CALCR: variants seen among roughly 807,000 people sequenced by gnomAD.
CALCR encodes calcitonin receptor.
In CALCR, 47 loss-of-function variants were observed where a neutral mutation model predicts 59.5. That is an observed-to-expected ratio of 0.79 (90% CI 0.63 to 1.01). The LOEUF is 1.01. CALCR is among the 50% of genes least tolerant of loss of function. CALCR has a pLI of 0.00. For missense variants in CALCR, 566 were observed against 597.1 expected, an observed-to-expected ratio of 0.95 and a Z score of 0.54; for synonymous variants, 213 against 211.3, an observed-to-expected ratio of 1.01 and a Z score of -0.07.
At chr7:93,462,104 C>G in intron 7 of CALCR, 5 of 1,484,956 alleles carry the variant, frequency 3.4e-6, no homozygotes, top group Non-Finnish European at 4.5e-6. Context: ...AAATAGTTGT[C>G]AATTTTCTGC....
At chr7:93,459,947 T>G (rs7795824) in intron 8 of CALCR, among the ~76,000 whole-genome samples, 7,749 of 152,244 alleles carry the variant, frequency 0.051, 670 homozygotes, top group African/African-American at 0.17. Context: ...CAGAGATGTA[T>G]GTCCTGTTGC....
rs1251819906 is a variant in CALCR, at chr7:93,504,101, TGAA to T, written c.-26-17097_-26-17095del. On this transcript the variant is annotated intron_variant, in intron 2 of 13. Coordinates refer to ENST00000426151, the MANE Select transcript of CALCR (RefSeq NM_001742.4). ...AAGGGAAATTAATCTCAGTGGCCAA[TGAA>T]GAATAGTCATAATAGACCCATAAGT... Among the ~76,000 whole-genome samples, 6 of 152,292 alleles carry T rather than the reference TGAA, an allele frequency of 3.9e-5. No individual in the cohort carries two copies. The East Asian group carries it at 9.6e-4, about 24-fold the overall frequency.
intron 2 of CALCR, among the ~76,000 whole-genome samples, chr7:93,529,526 A>G (rs1200336617): frequency 6.6e-6 from 1 of 152,200 alleles, no homozygotes; most frequent in East Asian, 1.9e-4. Context: ...TTGCAAAGCA[A>G]ATCAACAATT....
At chr7:93,572,522 A>G (rs1462656384) in intron 2 of CALCR, among the ~76,000 whole-genome samples, 1 of 152,182 alleles carries the variant, frequency 6.6e-6, no homozygotes. Context: ...ATTATCATTG[A>G]AACCATTACC....
chr7:93,479,416 A>G lies in CALCR; in HGVS notation c.143T>C (p.Met48Thr), dbSNP rs1464769591. The G allele has an allele frequency of 6.2e-7, 1 of 1,612,508 alleles. No individual in the cohort carries two copies. The highest frequency in any genetic ancestry group is 8.5e-7 in the Non-Finnish European group (1 of 1,179,082). ...PFLYVVGRKKMMDAQYKCYDR... is the reference protein window; with the variant it reads ...PFLYVVGRKKTMDAQYKCYDR... The stretch of plus-strand genomic sequence containing the variant: ...ATAGCATTTGTACTGTGCATCCATC[A>G]TCTTCTTTCGTCCTACGACGTAAAG... Residue 48 changes from methionine (M) to threonine (T), a missense_variant, in exon 4 of 14, where the codon ATG (methionine) becomes ACG (threonine). By Grantham distance (81) the Met-to-Thr change is moderately conservative (BLOSUM62 -1). Coordinates refer to ENST00000426151, the MANE Select transcript of CALCR (RefSeq NM_001742.4).
At chr7:93,458,397 C>T (rs1451435174) in intron 8 of CALCR, among the ~76,000 whole-genome samples, 2 of 152,068 alleles carry the variant, frequency 1.3e-5, no homozygotes, top group Non-Finnish European at 2.9e-5. Context: ...CACAGTTAAG[C>T]AGAGAAACAA....
At chr7:93,497,204 T>C (rs938904324) in intron 2 of CALCR, among the ~76,000 whole-genome samples, 43 of 151,486 alleles carry the variant, frequency 2.8e-4, no homozygotes. Context: ...AAAAATGATG[T>C]CATATTGAAA....
intron 13 of CALCR, among the ~76,000 whole-genome samples, chr7:93,431,603 G>C (rs1239412246): frequency 6.6e-6 from 1 of 152,188 alleles, no homozygotes; most frequent in Non-Finnish European, 1.5e-5. Context: ...TGCTCTTTTG[G>C]ACAAAGGCTT....
At chr7:93,466,277 G>C (rs1000320659) in intron 7 of CALCR, among the ~76,000 whole-genome samples, 2 of 151,670 alleles carry the variant, frequency 1.3e-5, no homozygotes, top group African/African-American at 2.4e-5. Flanking sequence ...TGGTGATGTA[G>C]AGTATTTGAA....
chr7:93,447,934 A>G (rs1584543337), intron 8 of CALCR, among the ~76,000 whole-genome samples: 1 of 152,000 alleles, frequency 6.6e-6, no homozygotes, highest in Non-Finnish European at 1.5e-5. Flanking sequence ...CAGATTTGGA[A>G]TGTGGTTTAT....
intron 13 of CALCR, among the ~76,000 whole-genome samples, chr7:93,428,066 G>T (rs1386621128): frequency 6.6e-6 from 1 of 152,156 alleles, no homozygotes; most frequent in African/African-American, 2.4e-5. Flanking sequence ...TATCTAAAGT[G>T]ATTTAAAACG....
chr7:93,543,296 C>A (rs1789196573), intron 2 of CALCR, among the ~76,000 whole-genome samples: 1 of 152,110 alleles, frequency 6.6e-6, no homozygotes, highest in Admixed American at 6.6e-5. Context: ...AGGTGCCCAC[C>A]ATGGCAACTG....
intron 2 of CALCR, among the ~76,000 whole-genome samples, chr7:93,489,192 A>C (rs886956899): frequency 6.6e-6 from 1 of 151,964 alleles, no homozygotes; most frequent in Non-Finnish European, 1.5e-5. Flanking sequence ...TTCAGGCAGA[A>C]ATCAAGAAGT....
chr7:93,460,934 G>T lies in CALCR; in HGVS notation c.535C>A (p.Gln179Lys). The T allele has an allele frequency of 6.2e-7, 1 of 1,609,112 alleles. No homozygotes were observed. Among genetic ancestry groups the T allele is most frequent in the South Asian group, 1.1e-5 (1 of 90,138 alleles). Reference sequence around the variant, plus strand: ...ATGTTCTTGTGCAGGGTTACCCTTTGGCAGCCAAGGCTCCTGGAAGAAAAA... The same window carrying T: ...ATGTTCTTGTGCAGGGTTACCCTTTTGCAGCCAAGGCTCCTGGAAGAAAAA... ...IFVFFRSLGCQRVTLHKNMFL... is the reference protein window; with the variant it reads ...IFVFFRSLGCKRVTLHKNMFL... Residue 179 changes from glutamine (Q) to lysine (K), a missense_variant, in exon 8 of 14, where the codon CAA becomes AAA. Physicochemically the swap from Gln to Lys is moderately conservative, Grantham distance 53. Transcript: ENST00000426151.
intron 2 of CALCR, among the ~76,000 whole-genome samples, chr7:93,507,083 C>G (rs1193852412): frequency 1.3e-5 from 2 of 152,074 alleles, no homozygotes; most frequent in Non-Finnish European, 2.9e-5. Flanking sequence ...ATTACCCAGT[C>G]TCAGGTATGT....
intron 5 of CALCR, 85 bp downstream of exon 5, chr7:93,477,473 C>T (rs902598281): frequency 1.2e-5 from 10 of 854,426 alleles, no homozygotes; most frequent in East Asian, 2.7e-5. Flanking sequence ...TAGGTGGGTA[C>T]ATTTTGTATC....
Position 93,529,396 on chromosome 7 carries a change from T to C in CALCR, c.-26-42389A>G, listed in dbSNP as rs1584609264. 3.3e-5 allele frequency among the ~76,000 whole-genome samples: 5 copies of C among 152,316 alleles called. No homozygotes were observed. The South Asian group carries it at 1.0e-3, about 32-fold the overall frequency. ...TCCCCAGAAGCAGGAGCCACCATGCTTCTTGTGCAGTCTGCAGAACCATGA... is the reference window on the plus strand; with the variant it reads ...TCCCCAGAAGCAGGAGCCACCATGCCTCTTGTGCAGTCTGCAGAACCATGA... On this transcript the variant is annotated intron_variant, in intron 2 of 13. Coordinates refer to ENST00000426151, the MANE Select transcript of CALCR (RefSeq NM_001742.4).
intron 2 of CALCR, among the ~76,000 whole-genome samples, chr7:93,555,243 G>C (rs183665963): frequency 7.7e-4 from 117 of 152,138 alleles, no homozygotes; most frequent in Non-Finnish European, 1.2e-3. Context: ...AGGAGGTCAG[G>C]GTTTGATAGT....
At chr7:93,443,264 A>G (rs939122181) in intron 9 of CALCR, among the ~76,000 whole-genome samples, 4 of 152,118 alleles carry the variant, frequency 2.6e-5, no homozygotes, top group Non-Finnish European at 4.4e-5. Flanking sequence ...TTGCTCTACA[A>G]ACATGTGATG....
Sources: gnomAD v4.1 joint callset for allele counts (sites outside exome capture counted in the v4.1 genomes callset) on GRCh38, gnomAD v4.1.1 for gene constraint, MANE v1.5 for transcripts, NCBI Gene and HGNC (gene_info 2026-07-23, HGNC 2026-07-21) for gene names.